Variants in RYR1 observed in about 807,000 individuals in gnomAD.
RYR1 encodes ryanodine receptor 1, also known as central core disease of muscle.
RYR1 carries 342 observed loss-of-function variants against 583.5 expected under a neutral mutation model. The ratio of observed to expected loss-of-function variants is 0.59; its 90% CI spans 0.54 to 0.64. The LOEUF is 0.64. Among genes scored for constraint, RYR1 ranks in the 30% least tolerant of loss-of-function variants. RYR1 has a pLI of 0.00. For missense variants in RYR1, 6,032 were observed against 6,917.2 expected (o/e 0.87, Z 4.54); for synonymous variants, 2,791 against 2,822.5 (o/e 0.99, Z 0.35).
In RYR1 at chr19:38,543,675, C is replaced by G; in HGVS notation, c.11907+15C>G. 6.2e-7 allele frequency: 1 copy of G among 1,613,238 alleles called. No individual in the cohort carries two copies. ...AGTACATCCAGGTAGGGCGCTCCCC[C>G]TGGGGCGGGAGTGGGAAGGGAGGGG... On this transcript the variant is annotated intron_variant, in intron 86 of 105. Coordinates refer to ENST00000359596, the MANE Select transcript of RYR1 (RefSeq NM_000540.3). This position sits in a 1 kb window ranked among gnomAD's most constrained non-coding sequence, Gnocchi z 4.4.
intron 35 of RYR1, 89 bp from the exon 36 acceptor site, chr19:38,489,987 T>C (rs1278394610): frequency 7.3e-7 from 1 of 1,377,450 alleles, no homozygotes; most frequent in Non-Finnish European, 1.0e-6. Context: ...GGCAGGGCCA[T>C]GGAGAGGGGA....
intron 52 of RYR1, 71 bp downstream of exon 52, chr19:38,505,152 TG>T: frequency 2.8e-6 from 4 of 1,434,868 alleles, no homozygotes; most frequent in Non-Finnish European, 2.9e-6. Context: ...GGTTCTTCCC[TG>T]AGGCCCCAGA....
In RYR1 at chr19:38,512,399, A is replaced by G. The variant is rs1970772009; in HGVS notation, c.9388A>G (p.Thr3130Ala). 1 of 1,613,782 alleles carries G rather than the reference A, an allele frequency of 6.2e-7. No homozygotes were observed. Among genetic ancestry groups the G allele is most frequent in the South Asian group, 1.1e-5 (1 of 91,084 alleles). Residue 3130 changes from threonine to alanine, a missense_variant, in exon 63 of 106, where the codon ACC becomes GCC. Coordinates refer to ENST00000359596, the MANE Select transcript of RYR1 (RefSeq NM_000540.3). The surrounding 1 kb of genome is among the most constrained non-coding windows in gnomAD (Gnocchi z 5.1). ...TQVKGVGQNL[T>A]YTTVALLPVL... ...GGTGAAAGGCGTGGGCCAGAACCTCACCTACACCACTGTGGCACTGCTGCC... is the reference window on the plus strand; with the variant it reads ...GGTGAAAGGCGTGGGCCAGAACCTCGCCTACACCACTGTGGCACTGCTGCC...
chr19:38,498,501 A>G (rs896582868), intron 42 of RYR1, among the ~76,000 whole-genome samples: 1 of 152,208 alleles, frequency 6.6e-6, no homozygotes, highest in Admixed American at 6.5e-5. Context: ...GGGCAACTCC[A>G]TAGAGTAAAG....
Position 38,499,080 on chromosome 19 carries a change from T to G in RYR1, c.6892-28T>G, listed in dbSNP as rs770042349. On this transcript the variant is annotated intron_variant, in intron 42 of 105. Coordinates refer to ENST00000359596, the MANE Select transcript of RYR1 (RefSeq NM_000540.3). This position sits in a 1 kb window ranked among gnomAD's most constrained non-coding sequence, Gnocchi z 7.3. The stretch of plus-strand genomic sequence containing the variant: ...CAGGAGGAAGGTGGCATGGGTCTGG[T>G]CTCTGACTGAGCCCCTTCTGCCCCC... 20 of 1,613,116 alleles carry G rather than the reference T, an allele frequency of 1.2e-5. No homozygotes were observed. Among genetic ancestry groups the G allele is most frequent in the Non-Finnish European group, 1.7e-5 (20 of 1,179,586 alleles).
chr19:38,517,621 G>T lies in RYR1; in HGVS notation c.9948G>T (p.Leu3316=). ...CCTCTGACCACCTCAACTCCCTGCT[G>T]GGGAATATCCTGAGAATCATCGTCA... ...AVTSDHLNSL[L]GNILRIIVNN... is the part of the protein sequence containing the mutation. The change falls in exon 66 of 106, where the codon CTG becomes CTT. Residue 3316 remains leucine (L), a synonymous_variant. Coordinates refer to ENST00000359596, the MANE Select transcript of RYR1 (RefSeq NM_000540.3). 6.2e-7 allele frequency: 1 copy of T among 1,614,176 alleles called. No individual in the cohort carries two copies. The highest frequency in any genetic ancestry group is 8.5e-7 in the Non-Finnish European group (1 of 1,180,036).
rs1969136819 is a variant in RYR1, at chr19:38,483,748, C to T, written c.4934+232C>T. ...ACACCATCCCAGTGGACCGCAGGCC[C>T]ACCCTAAGGGAACCCAGACAATACC... On this transcript the variant is annotated intron_variant, in intron 33 of 105. Transcript: ENST00000359596. The surrounding 1 kb of genome is among the most constrained non-coding windows in gnomAD (Gnocchi z 6.3). Among the ~76,000 whole-genome samples the T allele has an allele frequency of 6.6e-6, 1 of 151,960 alleles. No individual in the cohort carries two copies. Among genetic ancestry groups the T allele is most frequent in the Admixed American group, 6.6e-5 (1 of 15,248 alleles).
chr19:38,513,041 G>A (rs1970799670), intron 63 of RYR1, among the ~76,000 whole-genome samples: 1 of 151,710 alleles, frequency 6.6e-6, no homozygotes, highest in Non-Finnish European at 1.5e-5. Context: ...ATAAAGGTTA[G>A]GAAAAGTAGC....
At position 38,467,749 on chromosome 19, in the gene RYR1, C is replaced by T. The variant is rs377584912; in HGVS notation, c.3318C>T (p.Pro1106=). 5.3e-5 allele frequency: 85 copies of T among 1,614,182 alleles called. No individual in the cohort carries two copies. The highest frequency in any genetic ancestry group is 1.9e-4 in the African/African-American group (14 of 75,052). The part of the protein sequence containing the change: ...TGEMRVGWAR[P]ELRPDVELGA... The stretch of plus-strand genomic sequence containing the variant: ...AGATGCGCGTGGGCTGGGCGAGGCC[C>T]GAGCTGAGGCCTGATGTAGAGCTGG... Residue 1106 remains proline (P), a synonymous_variant, in exon 25 of 106, where the codon CCC becomes CCT. Coordinates refer to ENST00000359596, the MANE Select transcript of RYR1 (RefSeq NM_000540.3).
chr19:38,569,971 C>CA (rs1460075026), intron 93 of RYR1, among the ~76,000 whole-genome samples: 1 of 152,154 alleles, frequency 6.6e-6, no homozygotes. Context: ...TGAGACCAGC[C>CA]TGACCAACAT....
In RYR1 at chr19:38,451,746, C is replaced by T. The variant is rs1421842066; in HGVS notation, c.1123-18C>T. On this transcript the variant is annotated intron_variant, in intron 11 of 105. Coordinates refer to ENST00000359596, the MANE Select transcript of RYR1 (RefSeq NM_000540.3). ...GGGTGGCTGGGCCCACTCCAGACCT[C>T]TGTCTCCCCACTCCTAGGCCATGCT... 2 of 1,613,998 alleles carry T rather than the reference C, an allele frequency of 1.2e-6. No homozygotes were observed. The highest frequency in any genetic ancestry group is 8.5e-7 in the Non-Finnish European group (1 of 1,179,992).
In RYR1 at chr19:38,528,578, C is replaced by T. The variant is rs770128421; in HGVS notation, c.10938-21C>T. 1.2e-5 allele frequency: 19 copies of T among 1,613,026 alleles called. No individual in the cohort carries two copies. In the South Asian group the frequency reaches 2.1e-4, roughly 18 times the overall value. On this transcript the variant is annotated intron_variant, in intron 74 of 105. Coordinates refer to ENST00000359596, the MANE Select transcript of RYR1 (RefSeq NM_000540.3). ...CACGGAGGAGGGCGCGTCCCAGTGA[C>T]GTCACACCTCTCCCCTGCAGGCACC...
In RYR1 at chr19:38,546,460, G is replaced by A. The variant is rs755088027; in HGVS notation, c.12028G>A (p.Glu4010Lys). 61 of 1,613,710 alleles carry A rather than the reference G, an allele frequency of 3.8e-5. No individual in the cohort carries two copies. Among genetic ancestry groups the A allele is most frequent in the African/African-American group, 6.7e-5 (5 of 74,850 alleles). ...MKLAQDSSQI[E>K]LLKELLDLQK... ...GGATCTCTAGGACTCAAGCCAGATC[G>A]AGCTGCTGAAGGAGCTGCTGGATCT... The change falls in exon 88 of 106, where the codon GAG (glutamate) becomes AAG (lysine). Residue 4010 changes from glutamate (E) to lysine (K), a missense_variant. Coordinates refer to ENST00000359596, the MANE Select transcript of RYR1 (RefSeq NM_000540.3).
In RYR1 at chr19:38,543,324, T is replaced by C. The variant is rs771586490; in HGVS notation, c.11690-23T>C. The stretch of plus-strand genomic sequence containing the variant: ...CCCCTAGCACATGGGAGGTGCTGGA[T>C]AAATGACTTTTCATCTCCCCAGATT... On this transcript the variant is annotated intron_variant, in intron 84 of 105. Transcript: ENST00000359596. The surrounding 1 kb of genome is among the most constrained non-coding windows in gnomAD (Gnocchi z 4.4). 2 of 1,605,928 alleles carry C rather than the reference T, an allele frequency of 1.2e-6. No homozygotes were observed. The highest frequency in any genetic ancestry group is 1.7e-5 in the Admixed American group (1 of 60,016).
chr19:38,461,929 C>T (rs991013385), intron 20 of RYR1, among the ~76,000 whole-genome samples: 1 of 151,360 alleles, frequency 6.6e-6, no homozygotes, highest in African/African-American at 2.4e-5. Context: ...GTGGCAGGCA[C>T]CTGTAATCCC....
chr19:38,560,942 G>C, intron 89 of RYR1, among the ~76,000 whole-genome samples, 171 bp from the exon 90 acceptor site: 2 of 151,086 alleles, frequency 1.3e-5, no homozygotes. Context: ...CTTGAGCCCG[G>C]GGGTGGGGAT....
intron 87 of RYR1, among the ~76,000 whole-genome samples, chr19:38,545,868 A>G (rs1299229957): frequency 6.6e-6 from 1 of 152,180 alleles, no homozygotes; most frequent in Non-Finnish European, 1.5e-5. Flanking sequence ...TGGCAATTTT[A>G]TGTGACTCAA....
chr19:38,586,664 A>C, intron 105 of RYR1, 88 bp downstream of exon 105: 2 of 1,289,256 alleles, frequency 1.6e-6, no homozygotes, highest in Non-Finnish European at 2.3e-6. Flanking sequence ...AAAAGCTCCT[A>C]TCAATATCAA....
At chr19:38,518,423 A>G in intron 66 of RYR1, among the ~76,000 whole-genome samples, 1 of 143,324 alleles carries the variant, frequency 7.0e-6, no homozygotes, top group Non-Finnish European at 1.5e-5. Flanking sequence ...AAAAAAAAAA[A>G]GAAATATTTG....
Sources: gnomAD v4.1 joint callset for allele counts (sites outside exome capture counted in the v4.1 genomes callset) on GRCh38, gnomAD v4.1.1 for gene constraint, Gnocchi (gnomAD v3.1) non-coding constraint, MANE v1.5 for transcripts, NCBI Gene and HGNC (gene_info 2026-07-23, HGNC 2026-07-21) for gene names.